The following DPP10 variants were observed in gnomAD, a reference collection of about 807,000 sequenced individuals.
DPP10 encodes the protein inactive dipeptidyl peptidase 10.
In DPP10, 33 loss-of-function variants were observed where a neutral mutation model predicts 120.9. The ratio of observed to expected loss-of-function variants is 0.27; its 90% CI spans 0.21 to 0.37. The LOEUF (loss-of-function observed/expected upper bound fraction) is 0.37, where lower values mean the gene tolerates loss of function less well. DPP10 is among the 10% of genes least tolerant of loss of function. The probability of loss-of-function intolerance (pLI) is 1.00; values close to 1 mark genes in which losing one functional copy is unlikely to be tolerated. For synonymous variants in DPP10, 337 were observed against 326.1 expected (o/e 1.03, Z -0.36); for missense variants, 816 against 942.8 (o/e 0.87, Z 1.76).
chr2:115,766,588 A>G (rs778165984), intron 12 of DPP10, among the ~76,000 whole-genome samples: 37 of 151,986 alleles, frequency 2.4e-4, no homozygotes, highest in Non-Finnish European at 4.7e-4. Context: ...TTATACGTTG[A>G]ATGGTGTTAG....
intron 5 of DPP10, among the ~76,000 whole-genome samples, chr2:115,596,792 C>G (rs976179380): frequency 1.3e-5 from 2 of 152,118 alleles, no homozygotes; most frequent in Non-Finnish European, 2.9e-5. Context: ...AAAGAGATGA[C>G]TTGTAAATTT....
intron 4 of DPP10, among the ~76,000 whole-genome samples, chr2:115,504,550 A>G (rs1370194199): frequency 1.3e-5 from 2 of 152,122 alleles, no homozygotes; most frequent in Non-Finnish European, 2.9e-5. Context: ...TATTTATTTA[A>G]AAATGATTAT....
intron 1 of DPP10, among the ~76,000 whole-genome samples, chr2:115,057,882 A>G (rs1449016396): frequency 6.6e-6 from 1 of 152,214 alleles, no homozygotes; most frequent in Non-Finnish European, 1.5e-5. Context: ...CTTCCAGTCT[A>G]GTCTGAGTTT....
intron 1 of DPP10, chr2:114,461,921 G>A: frequency 1.0e-6 from 1 of 985,380 alleles, no homozygotes; most frequent in Non-Finnish European, 1.2e-6. Flanking sequence ...CGTGGAGCTG[G>A]TATGCTGGTT....
At chr2:114,899,185 T>G (rs1693322161) in intron 1 of DPP10, among the ~76,000 whole-genome samples, 1 of 151,806 alleles carries the variant, frequency 6.6e-6, no homozygotes, top group Non-Finnish European at 1.5e-5. Context: ...AATATATATA[T>G]AAGAATATAG....
chr2:115,494,517 G>A (rs539655247), intron 3 of DPP10, among the ~76,000 whole-genome samples: 6 of 152,270 alleles, frequency 3.9e-5, no homozygotes, highest in African/African-American at 1.2e-4. Flanking sequence ...GTTGTGAGCA[G>A]TGTTTTAGGG....
chr2:114,855,525 TTAAC>T (rs1214190716), intron 1 of DPP10, among the ~76,000 whole-genome samples: 5 of 152,190 alleles, frequency 3.3e-5, no homozygotes, highest in African/African-American at 9.6e-5. Context: ...TAAAAAGAGA[TTAAC>T]TATTTGTAGC....
intron 19 of DPP10, among the ~76,000 whole-genome samples, chr2:115,804,051 G>A (rs12468280): frequency 0.14 from 21,122 of 151,954 alleles, 1,834 homozygotes; most frequent in African/African-American, 0.24. Context: ...CATTCTCCCC[G>A]TCACTTTCAG....
rs117755015 is a variant in DPP10 at position 114,607,253 on chromosome 2, A to C, written c.60+164415A>C. Among the ~76,000 whole-genome samples the C allele has an allele frequency of 5.3e-4, 80 of 152,290 alleles. 1 individual carries two copies. In the East Asian group the frequency reaches 0.015, roughly 29 times the overall value. ...CATGCTGGAAACAGAAGACAGCAAG[A>C]AAGAAAGATAAAGTGTGATCTAAAG... On this transcript the variant is annotated intron_variant, in intron 1 of 25. Coordinates refer to ENST00000410059, the MANE Select transcript of DPP10 (RefSeq NM_020868.6).
intron 1 of DPP10, among the ~76,000 whole-genome samples, chr2:114,733,950 AT>A (rs1318583657): frequency 6.6e-6 from 1 of 152,020 alleles, no homozygotes; most frequent in Non-Finnish European, 1.5e-5. Context: ...CTAAGCTCTG[AT>A]TTTTTTATTT....
intron 12 of DPP10, among the ~76,000 whole-genome samples, chr2:115,766,314 A>ATG (rs1680738078): frequency 1.4e-5 from 1 of 72,672 alleles, no homozygotes; most frequent in African/African-American, 6.0e-5. Flanking sequence ...GTGTGTGTAT[A>ATG]TATATATATA....
intron 1 of DPP10, among the ~76,000 whole-genome samples, chr2:114,998,042 T>C (rs1032895084): frequency 1.3e-5 from 2 of 152,222 alleles, no homozygotes; most frequent in Non-Finnish European, 2.9e-5. Context: ...CAGTCTGTAG[T>C]TGATTGGCAT....
chr2:115,145,656 G>T (rs1330192911), intron 1 of DPP10, among the ~76,000 whole-genome samples: 1 of 152,018 alleles, frequency 6.6e-6, no homozygotes, highest in African/African-American at 2.4e-5. Context: ...AATTTATTTG[G>T]ATAAACACCA....
At chr2:114,642,576 G>T (rs761610352) in intron 1 of DPP10, among the ~76,000 whole-genome samples, 5 of 151,854 alleles carry the variant, frequency 3.3e-5, no homozygotes, top group Non-Finnish European at 7.3e-5. Context: ...TGCTGTATGT[G>T]CCCCCAGGCC....
intron 1 of DPP10, among the ~76,000 whole-genome samples, chr2:115,181,572 C>T (rs1359199362): frequency 6.6e-6 from 1 of 152,094 alleles, no homozygotes; most frequent in African/African-American, 2.4e-5. Context: ...AGGAAGTTGC[C>T]TTCTAAAAGG....
At chr2:115,375,007 T>C (rs1370226131) in intron 3 of DPP10, among the ~76,000 whole-genome samples, 1 of 152,244 alleles carries the variant, frequency 6.6e-6, no homozygotes, top group Non-Finnish European at 1.5e-5. Context: ...TGTTAACATT[T>C]GGCTTCTCTT....
At chr2:115,518,025 T>C (rs79600514) in intron 4 of DPP10, among the ~76,000 whole-genome samples, 339 of 152,258 alleles carry the variant, frequency 2.2e-3, no homozygotes, top group African/African-American at 7.9e-3. Flanking sequence ...GATAACATGG[T>C]GAGAAAGGAA....
In DPP10 at chr2:115,809,146, T is replaced by C. The variant is rs564639299; in HGVS notation, c.1701-5647T>C. Among the ~76,000 whole-genome samples the C allele has an allele frequency of 2.6e-5, 4 of 152,310 alleles. No individual in the cohort carries two copies. The South Asian group carries it at 8.3e-4, about 32-fold the overall frequency. On this transcript the variant is annotated intron_variant, in intron 19 of 25. Transcript: ENST00000410059. ...AAGTAAATACAGTGTATGAGAAAAT[T>C]CATTCAGCCATTCTTCATGTAGGAA...
At position 114,834,559 on chromosome 2, in the gene DPP10, G is replaced by A. The variant is rs554826584; in HGVS notation, c.60+391721G>A. Among the ~76,000 whole-genome samples, 451 of 126,600 alleles carry A rather than the reference G, an allele frequency of 3.6e-3. 4 individuals carry two copies. The highest frequency in any genetic ancestry group is 5.4e-3 in the Non-Finnish European group (318 of 59,276). The allele number at this position is 126,600 out of a possible 152,430, so 83.1% of individuals were successfully genotyped here. A position where few individuals can be genotyped will look rare whatever the true frequency, so the allele number is the denominator to read the frequency against. On this transcript the variant is annotated intron_variant, in intron 1 of 25. Coordinates refer to ENST00000410059, the MANE Select transcript of DPP10 (RefSeq NM_020868.6). ...CTATGTATATATAAGCCATATCTAC[G>A]CACCTATGTATATATAAGCCATATC...
Sources: allele counts gnomAD v4.1 joint callset (sites outside exome capture counted in the v4.1 genomes callset), GRCh38; gene constraint gnomAD v4.1.1; transcripts MANE v1.5; gene names NCBI Gene and HGNC (gene_info 2026-07-23, HGNC 2026-07-21).